Variants in COL5A2 observed in about 807,000 individuals in gnomAD.
The protein encoded by COL5A2 is collagen alpha-2(V) chain.
A neutral mutation model predicts 208.2 loss-of-function variants in COL5A2; 23 were observed. The ratio of observed to expected loss-of-function variants is 0.11; its 90% CI spans 0.08 to 0.16. COL5A2 has a LOEUF of 0.16. Ranked by LOEUF, COL5A2 falls within the 10% of genes least tolerant of loss-of-function variation. The probability of loss-of-function intolerance (pLI) is 1.00; values close to 1 mark genes in which losing one functional copy is unlikely to be tolerated. For synonymous variants in COL5A2, 625 were observed against 628.5 expected, an observed-to-expected ratio of 0.99 and a Z score of 0.08; for missense variants, 1,590 against 1,956.4, an observed-to-expected ratio of 0.81 and a Z score of 3.53.
At chr2:189,238,582 A>T in the COL5A2 span, among the ~76,000 whole-genome samples, 29 of 152,248 alleles carry the variant, frequency 1.9e-4, no homozygotes, top group African/African-American at 6.7e-4. Flanking sequence ...TGGGTAATTT[A>T]TAAAGGAAAT....
the COL5A2 span, among the ~76,000 whole-genome samples, chr2:189,277,553 G>C: frequency 6.6e-6 from 1 of 152,030 alleles, no homozygotes; most frequent in African/African-American, 2.4e-5. Context: ...AAGAATCAGG[G>C]GATGCAGGAG....
chr2:189,083,572 C>A (rs909740617), intron 12 of COL5A2, among the ~76,000 whole-genome samples: 1 of 151,492 alleles, frequency 6.6e-6, no homozygotes, highest in South Asian at 2.1e-4. Context: ...ATTATTTAGA[C>A]ATATGTGACA....
At chr2:189,346,791 G>A in the COL5A2 span, among the ~76,000 whole-genome samples, 253 of 152,208 alleles carry the variant, frequency 1.7e-3, 1 homozygote, top group African/African-American at 5.7e-3. Flanking sequence ...GGAAAAGATG[G>A]GGATAACAGG....
chr2:189,387,243 T>C, the COL5A2 span, among the ~76,000 whole-genome samples: 15 of 152,212 alleles, frequency 9.9e-5, no homozygotes, highest in Non-Finnish European at 8.8e-5. Context: ...ATGTTCTCAT[T>C]TACAAGTGGA....
the COL5A2 span, among the ~76,000 whole-genome samples, chr2:189,340,022 C>T: frequency 6.6e-6 from 1 of 152,146 alleles, no homozygotes; most frequent in African/African-American, 2.4e-5. Flanking sequence ...GGGAATCTGG[C>T]CATCAGTCTT....
the COL5A2 span, among the ~76,000 whole-genome samples, chr2:189,255,854 T>C: frequency 6.6e-6 from 1 of 152,132 alleles, no homozygotes; most frequent in South Asian, 2.1e-4. Flanking sequence ...TAATGTTTCA[T>C]AAAGGAAGTA....
intron 1 of COL5A2, among the ~76,000 whole-genome samples, chr2:189,126,723 C>T (rs1687613811): frequency 6.6e-6 from 1 of 152,072 alleles, no homozygotes. Context: ...GAAATATATG[C>T]AGTCCAGTGT....
intron 1 of COL5A2, among the ~76,000 whole-genome samples, chr2:189,123,216 G>A (rs781290005): frequency 2.0e-5 from 3 of 151,930 alleles, no homozygotes; most frequent in African/African-American, 2.4e-5. Context: ...CACCCACCTC[G>A]GCCTCCCAAA....
intron 7 of COL5A2, 27 bp from the exon 8 acceptor site, chr2:189,088,799 T>C (rs1385961428): frequency 6.3e-7 from 1 of 1,583,786 alleles, no homozygotes; most frequent in East Asian, 2.2e-5. Context: ...TTGACATTAT[T>C]TCTACAGTAA....
At chr2:189,078,980 C>T in intron 15 of COL5A2, 83 bp downstream of exon 15, 3 of 1,098,324 alleles carry the variant, frequency 2.7e-6, no homozygotes, top group Non-Finnish European at 2.7e-6. Flanking sequence ...TTTTATTTTT[C>T]ATTTAAAAAT....
the COL5A2 span, among the ~76,000 whole-genome samples, chr2:189,263,470 G>A: frequency 1.6e-4 from 25 of 152,154 alleles, no homozygotes; most frequent in South Asian, 2.1e-4. Flanking sequence ...ACCTAGTGAC[G>A]TAGCTTTCCT....
chr2:189,042,289 T>G (rs1264644984), intron 49 of COL5A2, among the ~76,000 whole-genome samples: 1 of 152,214 alleles, frequency 6.6e-6, no homozygotes, highest in East Asian at 1.9e-4. Context: ...GGCTTCATTT[T>G]ATTATTTACT....
rs1685693083 is a variant in COL5A2 at position 189,047,382 on chromosome 2, C to T, written c.3201+827G>A. The stretch of plus-strand genomic sequence containing the variant: ...TTATAGTAGATGAGCGGGACTTAGC[C>T]CAAGCTTCCTCCAAATCCTTTCTTC... On this transcript the variant is annotated intron_variant, in intron 45 of 53. Coordinates refer to ENST00000374866, the MANE Select transcript of COL5A2 (RefSeq NM_000393.5). Among the ~76,000 whole-genome samples, 2 of 152,034 alleles carry T rather than the reference C, an allele frequency of 1.3e-5. 1 individual carries two copies. Among genetic ancestry groups the T allele is most frequent in the African/African-American group, 4.8e-5 (2 of 41,374 alleles).
intron 3 of COL5A2, among the ~76,000 whole-genome samples, chr2:189,103,679 T>G (rs975949247): frequency 1.3e-5 from 2 of 152,070 alleles, no homozygotes; most frequent in African/African-American, 4.8e-5. Context: ...CCTACCCTGT[T>G]TTCAAGTGTA....
intron 18 of COL5A2, among the ~76,000 whole-genome samples, chr2:189,070,650 T>C (rs1314574634): frequency 2.0e-5 from 3 of 151,542 alleles, no homozygotes; most frequent in African/African-American, 4.8e-5. Context: ...CCCATGAAAG[T>C]TGTAGTATAA....
intron 38 of COL5A2, 76 bp from the exon 39 acceptor site, chr2:189,053,094 G>T: frequency 1.8e-6 from 2 of 1,131,004 alleles, no homozygotes; most frequent in Non-Finnish European, 2.6e-6. Flanking sequence ...TATTACTAAT[G>T]TATCAATTAA....
At chr2:189,289,002 A>C in the COL5A2 span, among the ~76,000 whole-genome samples, 2 of 152,226 alleles carry the variant, frequency 1.3e-5, no homozygotes, top group Non-Finnish European at 2.9e-5. Context: ...ACAAAATTCA[A>C]TATCCATTTC....
chr2:189,278,899 A>T, the COL5A2 span, among the ~76,000 whole-genome samples: 2 of 151,920 alleles, frequency 1.3e-5, no homozygotes, highest in Non-Finnish European at 2.9e-5. Flanking sequence ...CATAACTATC[A>T]TCTCTAATTG....
intron 44 of COL5A2, 25 bp downstream of exon 44, chr2:189,049,322 G>T: frequency 6.8e-7 from 1 of 1,479,550 alleles, no homozygotes; most frequent in Non-Finnish European, 9.4e-7. Flanking sequence ...AACAAGAGAA[G>T]AGTTATTTTC....
Sources: gnomAD v4.1 joint callset for allele counts (sites outside exome capture counted in the v4.1 genomes callset) on GRCh38, gnomAD v4.1.1 for gene constraint, MANE v1.5 for transcripts, NCBI Gene and HGNC (gene_info 2026-07-23, HGNC 2026-07-21) for gene names.